The following NAA11 variants were observed in gnomAD, a reference collection of about 807,000 sequenced individuals.
NAA11 encodes N-alpha-acetyltransferase 11.
A neutral mutation model predicts 16.1 loss-of-function variants in NAA11; 15 were observed. That is an observed-to-expected ratio of 0.93 (90% CI 0.62 to 1.44). The LOEUF (loss-of-function observed/expected upper bound fraction) is 1.44. Ranked by LOEUF, NAA11 falls within the 40% of genes most tolerant of loss-of-function variation. The pLI is 0.00. For missense variants in NAA11, 298 were observed against 291.3 expected (o/e 1.02, Z -0.17); for synonymous variants, 122 against 112.4 (o/e 1.09, Z -0.54).
chr4:79,282,810 T>C (rs1027431207), intron 2 of NAA11, among the ~76,000 whole-genome samples: 3 of 152,102 alleles, frequency 2.0e-5, no homozygotes, highest in African/African-American at 7.2e-5. Flanking sequence ...ACGGAATTAT[T>C]TAACTCCATG....
intron 2 of NAA11, among the ~76,000 whole-genome samples, chr4:79,264,618 T>C (rs183466525): frequency 1.6e-3 from 242 of 152,328 alleles, no homozygotes; most frequent in African/African-American, 5.4e-3. Flanking sequence ...ATCTCATGTG[T>C]ACTTCTTTAT....
At chr4:79,298,742 C>T (rs147227669) in intron 1 of NAA11, among the ~76,000 whole-genome samples, 154 of 152,316 alleles carry the variant, frequency 1.0e-3, no homozygotes, top group African/African-American at 3.4e-3. Context: ...TGGTATGAGC[C>T]GAGTGCAGCC....
At chr4:79,191,701 C>T in the NAA11 span, among the ~76,000 whole-genome samples, 2 of 152,122 alleles carry the variant, frequency 1.3e-5, no homozygotes, top group Non-Finnish European at 2.9e-5. Flanking sequence ...TCCCACTTGT[C>T]AATTTTTGCT....
At chr4:79,173,226 G>A in the NAA11 span, among the ~76,000 whole-genome samples, 1 of 152,122 alleles carries the variant, frequency 6.6e-6, no homozygotes, top group African/African-American at 2.4e-5. Flanking sequence ...AGTGGGACAG[G>A]AAGCGTCAGT....
the NAA11 span, among the ~76,000 whole-genome samples, chr4:79,176,487 A>T: frequency 5.3e-5 from 8 of 152,092 alleles, no homozygotes; most frequent in African/African-American, 1.9e-4. Context: ...GTCTGAAGAC[A>T]GTCTGCTGGC....
chr4:79,259,469 A>C (rs767186159), intron 2 of NAA11, among the ~76,000 whole-genome samples: 3 of 152,138 alleles, frequency 2.0e-5, no homozygotes, highest in Non-Finnish European at 4.4e-5. Context: ...ACAGTGGTCA[A>C]ACACCATGCT....
chr4:79,227,041 A>G (rs1721333633), intron 2 of NAA11, among the ~76,000 whole-genome samples: 1 of 152,108 alleles, frequency 6.6e-6, no homozygotes, highest in African/African-American at 2.4e-5. Context: ...TTACAGTCCC[A>G]CCAACAGTGT....
the NAA11 span, among the ~76,000 whole-genome samples, chr4:79,191,122 G>T: frequency 6.6e-6 from 1 of 152,104 alleles, no homozygotes; most frequent in African/African-American, 2.4e-5. Flanking sequence ...GAATAGTGCT[G>T]CAGTGAACGT....
intron 1 of NAA11, among the ~76,000 whole-genome samples, chr4:79,302,907 T>C (rs944143112): frequency 2.0e-5 from 3 of 151,856 alleles, no homozygotes; most frequent in African/African-American, 4.8e-5. Flanking sequence ...CCTGGATCGT[T>C]AGATAAGACA....
At chr4:79,179,953 C>T in the NAA11 span, among the ~76,000 whole-genome samples, 1 of 152,080 alleles carries the variant, frequency 6.6e-6, no homozygotes, top group South Asian at 2.1e-4. Flanking sequence ...GGAAGAAGTG[C>T]CAAGTGAAGG....
intron 1 of NAA11, among the ~76,000 whole-genome samples, chr4:79,297,837 C>T (rs1723267338): frequency 6.6e-6 from 1 of 152,132 alleles, no homozygotes; most frequent in Non-Finnish European, 1.5e-5. Context: ...GGGTGGGTCC[C>T]TGTTGAGGCC....
the NAA11 span, among the ~76,000 whole-genome samples, chr4:79,216,766 A>G: frequency 4.6e-5 from 7 of 152,180 alleles, no homozygotes; most frequent in African/African-American, 1.7e-4. Flanking sequence ...ACTTGACTTC[A>G]TGAGCTTCCT....
downstream of NAA11, among the ~76,000 whole-genome samples, chr4:79,222,780 ACTC>A (rs1397705750): frequency 3.9e-5 from 6 of 151,912 alleles, no homozygotes; most frequent in East Asian, 1.2e-3. Flanking sequence ...TCTACAATGA[ACTC>A]AAACAAATTT....
chr4:79,259,574 A>G, intron 2 of NAA11, among the ~76,000 whole-genome samples: 1 of 152,230 alleles, frequency 6.6e-6, no homozygotes, highest in East Asian at 1.9e-4. Context: ...GCAGCCTGCC[A>G]GGCCAAGTGG....
chr4:79,274,995 C>T (rs1199995283), intron 2 of NAA11, among the ~76,000 whole-genome samples: 1 of 152,046 alleles, frequency 6.6e-6, no homozygotes, highest in Non-Finnish European at 1.5e-5. Context: ...TGAAGCAGGC[C>T]AGATCCTACT....
the NAA11 span, among the ~76,000 whole-genome samples, chr4:79,210,342 G>C: frequency 6.6e-6 from 1 of 152,118 alleles, no homozygotes; most frequent in East Asian, 1.9e-4. Flanking sequence ...AGTTAGGGTA[G>C]AGCATGTTAC....
chr4:79,252,918 A>G (rs1289747398), intron 2 of NAA11, among the ~76,000 whole-genome samples: 2 of 152,242 alleles, frequency 1.3e-5, no homozygotes, highest in East Asian at 1.9e-4. Flanking sequence ...GTGTATATCA[A>G]TAAAGAATAC....
At chr4:79,196,406 A>G in the NAA11 span, among the ~76,000 whole-genome samples, 3 of 152,002 alleles carry the variant, frequency 2.0e-5, no homozygotes, top group Non-Finnish European at 4.4e-5. Context: ...AATCTCTTTT[A>G]ACTCTAAGGT....
chr4:79,196,467 G>T, the NAA11 span, among the ~76,000 whole-genome samples: 3 of 151,904 alleles, frequency 2.0e-5, no homozygotes, highest in African/African-American at 7.3e-5. Flanking sequence ...AGTTGGAAAG[G>T]GCCCTAGAGA....
Sources: gnomAD v4.1 joint callset for allele counts (sites outside exome capture counted in the v4.1 genomes callset) on GRCh38, gnomAD v4.1.1 for gene constraint, MANE v1.5 for transcripts, NCBI Gene and HGNC (gene_info 2026-07-23, HGNC 2026-07-21) for gene names.